Variants in IMMT observed in about 807,000 individuals in gnomAD.
IMMT encodes the protein inner membrane mitochondrial protein, also known as MICOS complex subunit MIC60.
A neutral mutation model predicts 92.7 loss-of-function variants in IMMT; 40 were observed. That is an observed-to-expected ratio of 0.43 (90% CI 0.34 to 0.56). The LOEUF is 0.56. IMMT is among the 20% of genes least tolerant of loss of function. IMMT has a pLI of 0.03. For synonymous variants in IMMT, 322 were observed against 336.1 expected, an observed-to-expected ratio of 0.96 and a Z score of 0.46; for missense variants, 831 against 912.1, an observed-to-expected ratio of 0.91 and a Z score of 1.14.
At chr2:86,156,255 C>CA (rs1382967289) in intron 10 of IMMT, among the ~76,000 whole-genome samples, 1 of 152,180 alleles carries the variant, frequency 6.6e-6, no homozygotes, top group Non-Finnish European at 1.5e-5. Flanking sequence ...ATGTGAGGGA[C>CA]AAAATGCCCT....
intron 7 of IMMT, among the ~76,000 whole-genome samples, chr2:86,163,308 C>T (rs541357898): frequency 6.6e-6 from 1 of 152,200 alleles, no homozygotes; most frequent in African/African-American, 2.4e-5. Flanking sequence ...CAGAGCAAGA[C>T]CCTGTCTCAA....
Position 86,181,698 on chromosome 2 carries a change from CA to C in IMMT, c.46-327del, listed in dbSNP as rs576507426. Among the ~76,000 whole-genome samples, 1,064 of 144,412 alleles carry C rather than the reference CA, an allele frequency of 7.4e-3. 9 individuals carry two copies. The highest frequency in any genetic ancestry group is 0.023 in the African/African-American group (916 of 39,548). 94.7% of individuals were successfully genotyped at this position (144,412 alleles called of 152,430 possible). A position where few individuals can be genotyped will look rare whatever the true frequency, so the allele number is the denominator to read the frequency against. ...ATTTGCTATATGTTTTCTTAATTGG[CA>C]AAAAAAAAAATCTATTTTTACTTTA... On this transcript the variant is annotated intron_variant, in intron 1 of 14. Transcript: ENST00000410111.
chr2:86,149,949 AGGT>A (rs1675346087), intron 12 of IMMT, among the ~76,000 whole-genome samples: 1 of 152,084 alleles, frequency 6.6e-6, no homozygotes, highest in Non-Finnish European at 1.5e-5. Context: ...GCTTGGGCTA[AGGT>A]GGTAGTAATG....
At chr2:86,145,813 G>T (rs1466678211) in intron 14 of IMMT, among the ~76,000 whole-genome samples, 1 of 152,072 alleles carries the variant, frequency 6.6e-6, no homozygotes, top group African/African-American at 2.4e-5. Flanking sequence ...TTACCACCCA[G>T]GCACATGCGA....
intron 4 of IMMT, 96 bp from the exon 5 acceptor site, chr2:86,171,441 T>C: frequency 8.9e-7 from 1 of 1,127,952 alleles, no homozygotes; most frequent in Non-Finnish European, 1.3e-6. Context: ...ACTTCACATC[T>C]GACTCCTTAG....
rs535084986 is a variant in IMMT, at chr2:86,176,702, C to T, written c.309+2731G>A. On this transcript the variant is annotated intron_variant, in intron 3 of 14. Transcript: ENST00000410111. ...TGCTGAGTTATTAACTAGAAATGTT[C>T]TCCAAGGTAGCTAAAGTGGAGTGAG... Among the ~76,000 whole-genome samples, 25 of 152,300 alleles carry T rather than the reference C, an allele frequency of 1.6e-4. No individual in the cohort carries two copies. In the South Asian group the frequency reaches 5.0e-3, roughly 30 times the overall value.
intron 12 of IMMT, 38 bp downstream of exon 12, chr2:86,151,259 C>T (rs765322540): frequency 6.7e-7 from 1 of 1,484,214 alleles, no homozygotes; most frequent in East Asian, 2.3e-5. Context: ...AAGTTAGAGT[C>T]ACTTTAAATG....
chr2:86,184,388 C>T (rs1672620840), intron 1 of IMMT, among the ~76,000 whole-genome samples: 1 of 152,094 alleles, frequency 6.6e-6, no homozygotes, highest in Non-Finnish European at 1.5e-5. Flanking sequence ...GTTACCCAAG[C>T]TAGTTTTGAA....
At chr2:86,191,157 G>A (rs1673089777) in intron 1 of IMMT, among the ~76,000 whole-genome samples, 1 of 151,530 alleles carries the variant, frequency 6.6e-6, no homozygotes, top group African/African-American at 2.4e-5. Flanking sequence ...ACCAGCCTGG[G>A]TAATATAGCC....
rs1344535245 is a variant in IMMT at position 86,181,438 on chromosome 2, A to G, written c.46-66T>C. On this transcript the variant is annotated intron_variant, in intron 1 of 14. Transcript: ENST00000410111. ...AAACTGGTAAGCTTTTAGGGTTGGT[A>G]ATACAGAAATAATACTTTTATTAAA... The G allele has an allele frequency of 5.2e-5, 54 of 1,039,242 alleles. 1 individual carries two copies. The highest frequency in any genetic ancestry group is 2.8e-4 in the South Asian group (21 of 74,190). 64.4% of individuals were successfully genotyped at this position (1,039,242 alleles called of 1,614,324 possible).
chr2:86,167,055 G>A (rs1211888803), intron 6 of IMMT, among the ~76,000 whole-genome samples: 1 of 147,496 alleles, frequency 6.8e-6, no homozygotes. Flanking sequence ...CCGAGATCAT[G>A]CCACTGCACT....
intron 10 of IMMT, among the ~76,000 whole-genome samples, chr2:86,156,828 A>G (rs1461414505): frequency 2.0e-5 from 3 of 152,118 alleles, no homozygotes; most frequent in Non-Finnish European, 2.9e-5. Flanking sequence ...GAGACTCCCT[A>G]CTACCTACCA....
chr2:86,172,287 G>A (rs1166691069), intron 4 of IMMT, among the ~76,000 whole-genome samples: 2 of 151,708 alleles, frequency 1.3e-5, no homozygotes, highest in African/African-American at 2.4e-5. Context: ...TAAAGTAACA[G>A]TCAATTATCA....
intron 1 of IMMT, chr2:86,195,136 C>T (rs932121277): frequency 3.9e-6 from 2 of 512,258 alleles, no homozygotes; most frequent in Admixed American, 3.8e-5. Flanking sequence ...CACCCCACCC[C>T]GCTGCTGCAA....
chr2:86,173,732 A>T lies in IMMT; in HGVS notation c.339T>A (p.Ser113Arg). 5.0e-6 allele frequency: 8 copies of T among 1,604,534 alleles called. No homozygotes were observed. The highest frequency in any genetic ancestry group is 6.8e-6 in the Non-Finnish European group (8 of 1,172,180). ...SIQSGPLKIS[S>R]VSEVMKESKQ... Reference sequence around the variant, plus strand: ...TAGATTCTTTCATTACTTCTGATACACTAGAGATTTTTAGTGGACCCGACT... The same window carrying T: ...TAGATTCTTTCATTACTTCTGATACTCTAGAGATTTTTAGTGGACCCGACT... Residue 113 changes from serine to arginine, a missense_variant, in exon 4 of 15, where the codon AGT becomes AGA. Physicochemically the swap from Ser to Arg is moderately radical, Grantham distance 110. Coordinates refer to ENST00000410111, the MANE Select transcript of IMMT (RefSeq NM_006839.3).
In IMMT at chr2:86,158,592, T is replaced by G; in HGVS notation, c.1162A>C (p.Ser388Arg). ...AAAACATTACTTCAGTTGTACTCACTCATTCCTTTCCACCCAGGAAGGACT... is the reference window on the plus strand; with the variant it reads ...AAAACATTACTTCAGTTGTACTCACGCATTCCTTTCCACCCAGGAAGGACT... ...PEVLPGWKGM[S>R]VSDLADKLST... Residue 388 changes from serine to arginine, a missense_variant and splice_region_variant, in exon 10 of 15, where the codon AGT becomes CGT. Transcript: ENST00000410111. 1 of 1,600,206 alleles carries G rather than the reference T, an allele frequency of 6.2e-7. No homozygotes were observed. Among genetic ancestry groups the G allele is most frequent in the Non-Finnish European group, 8.5e-7 (1 of 1,172,000 alleles).
chr2:86,171,862 A>ATATATTTTT (rs111461385), intron 4 of IMMT, among the ~76,000 whole-genome samples: 4 of 149,866 alleles, frequency 2.7e-5, no homozygotes, highest in Admixed American at 2.7e-4. Context: ...ATATATATAT[A>ATATATTTTT]TTTTTTGCAC....
Position 86,190,664 on chromosome 2 carries a change from T to C in IMMT, c.45+4674A>G, listed in dbSNP as rs74796378. Among the ~76,000 whole-genome samples the C allele has an allele frequency of 7.6e-3, 1,162 of 152,274 alleles. 20 individuals are homozygous for C. The highest frequency in any genetic ancestry group is 0.026 in the African/African-American group (1,069 of 41,550). On this transcript the variant is annotated intron_variant, in intron 1 of 14. Coordinates refer to ENST00000410111, the MANE Select transcript of IMMT (RefSeq NM_006839.3). ...TTACTGAATACCCACATCTAAGGAA[T>C]GCAAGGATGATAAGCCCAAACATAA...
At chr2:86,150,550 C>A (rs1385939478) in intron 12 of IMMT, among the ~76,000 whole-genome samples, 1 of 152,192 alleles carries the variant, frequency 6.6e-6, no homozygotes, top group Non-Finnish European at 1.5e-5. Context: ...GTTCCCAAAT[C>A]AGCCTGTGGA....
Sources: gnomAD v4.1 joint callset for allele counts (sites outside exome capture counted in the v4.1 genomes callset) on GRCh38, gnomAD v4.1.1 for gene constraint, MANE v1.5 for transcripts, NCBI Gene and HGNC (gene_info 2026-07-23, HGNC 2026-07-21) for gene names.